Variants in RFFL observed in about 807,000 individuals in gnomAD.
The protein encoded by RFFL is E3 ubiquitin-protein ligase rififylin.
In RFFL, 16 loss-of-function variants were observed where a neutral mutation model predicts 40.4. The ratio of observed to expected loss-of-function variants is 0.40; its 90% CI spans 0.27 to 0.60. The LOEUF (loss-of-function observed/expected upper bound fraction) is 0.60. RFFL is among the 20% of genes least tolerant of loss of function. The pLI, the probability that RFFL is intolerant of heterozygous loss-of-function variation, is 0.47. For synonymous variants in RFFL, 154 were observed against 167.9 expected (o/e 0.92, Z 0.64); for missense variants, 367 against 451.7 (o/e 0.81, Z 1.70).
At chr17:35,060,480 T>G (rs1028405907) in intron 1 of RFFL, among the ~76,000 whole-genome samples, 1 of 152,192 alleles carries the variant, frequency 6.6e-6, no homozygotes, top group Non-Finnish European at 1.5e-5. Context: ...AATGTATATA[T>G]GCTTTGGTAT....
intron 1 of RFFL, among the ~76,000 whole-genome samples, chr17:35,077,545 GT>G (rs2142383592): frequency 1.3e-5 from 2 of 152,300 alleles, no homozygotes; most frequent in African/African-American, 4.8e-5. Context: ...TACAAAGCTG[GT>G]CCTTCACCAC....
chr17:35,034,445 T>C (rs1413051763), intron 1 of RFFL, among the ~76,000 whole-genome samples: 1 of 152,034 alleles, frequency 6.6e-6, no homozygotes, highest in Non-Finnish European at 1.5e-5. Flanking sequence ...TAAAAGGACT[T>C]TGCACAAAAT....
intron 6 of RFFL, among the ~76,000 whole-genome samples, chr17:35,013,611 G>A (rs547272040): frequency 1.3e-5 from 2 of 152,248 alleles, no homozygotes; most frequent in African/African-American, 4.8e-5. Flanking sequence ...AGGTAGGCTG[G>A]GTGTGAAAGG....
chr17:35,068,803 G>A (rs1413996358), intron 1 of RFFL, among the ~76,000 whole-genome samples: 1 of 152,116 alleles, frequency 6.6e-6, no homozygotes, highest in Non-Finnish European at 1.5e-5. Flanking sequence ...AGGAGGAGGA[G>A]GAGAAAGGAA....
intron 1 of RFFL, among the ~76,000 whole-genome samples, chr17:35,085,537 C>T (rs555219191): frequency 6.6e-6 from 1 of 152,320 alleles, no homozygotes; most frequent in South Asian, 2.1e-4. Context: ...TCAAGTGATT[C>T]TCCTGCCTCA....
At chr17:35,044,531 G>A (rs924649511) in intron 1 of RFFL, among the ~76,000 whole-genome samples, 5 of 152,150 alleles carry the variant, frequency 3.3e-5, no homozygotes, top group Admixed American at 1.3e-4. Flanking sequence ...CAGGAGAATC[G>A]CTTATCTGGG....
intron 3 of RFFL, 63 bp downstream of exon 3, chr17:35,021,308 A>G: frequency 6.9e-7 from 1 of 1,456,264 alleles, no homozygotes; most frequent in Middle Eastern, 2.0e-4. Flanking sequence ...AAGGCAGGAG[A>G]GGAAAATGAA....
chr17:35,053,646 G>T (rs1411144069), intron 1 of RFFL, among the ~76,000 whole-genome samples: 5 of 152,126 alleles, frequency 3.3e-5, no homozygotes, highest in Non-Finnish European at 5.9e-5. Context: ...TACTTTGCAG[G>T]AGGATCACTG....
At chr17:35,079,349 A>G (rs762458276) in intron 1 of RFFL, among the ~76,000 whole-genome samples, 2 of 152,230 alleles carry the variant, frequency 1.3e-5, no homozygotes, top group Non-Finnish European at 2.9e-5. Flanking sequence ...AAACAACAAC[A>G]TAAGGAGAAA....
chr17:35,022,214 G>C (rs2091013149), intron 2 of RFFL, among the ~76,000 whole-genome samples: 1 of 152,172 alleles, frequency 6.6e-6, no homozygotes, highest in Non-Finnish European at 1.5e-5. Flanking sequence ...GGTGATAACA[G>C]TATCTACCTC....
At chr17:35,054,426 C>T (rs1273543300) in intron 1 of RFFL, among the ~76,000 whole-genome samples, 5 of 152,154 alleles carry the variant, frequency 3.3e-5, no homozygotes, top group Non-Finnish European at 7.4e-5. Context: ...AGTAACAAGG[C>T]TTGATGGAGG....
intron 1 of RFFL, chr17:35,088,709 T>C (rs2091443237): frequency 6.6e-6 from 1 of 152,220 alleles, no homozygotes; most frequent in African/African-American, 2.4e-5. Flanking sequence ...ACGGGCTGGT[T>C]CCTTTAAAGG....
upstream of RFFL, among the ~76,000 whole-genome samples, chr17:35,067,092 A>G (rs1243592455): frequency 6.6e-6 from 1 of 151,796 alleles, no homozygotes; most frequent in African/African-American, 2.4e-5. Context: ...ATTAGCAGAC[A>G]TGGAGGGAGG....
intron 1 of RFFL, among the ~76,000 whole-genome samples, chr17:35,055,170 G>A (rs1342555774): frequency 6.6e-6 from 1 of 151,774 alleles, no homozygotes; most frequent in African/African-American, 2.4e-5. Context: ...CACTTGCCTC[G>A]GCCTCCCAAA....
At chr17:35,035,344 G>A (rs2091113572) in intron 1 of RFFL, among the ~76,000 whole-genome samples, 1 of 151,848 alleles carries the variant, frequency 6.6e-6, no homozygotes, top group Non-Finnish European at 1.5e-5. Context: ...AAGAGGTGGA[G>A]GTTGCAGTGA....
At chr17:35,087,999 T>A (rs1417003908) in intron 1 of RFFL, among the ~76,000 whole-genome samples, 1 of 152,170 alleles carries the variant, frequency 6.6e-6, no homozygotes, top group Non-Finnish European at 1.5e-5. Context: ...CCTAGAAGAA[T>A]GGTATAATAA....
At chr17:35,056,547 T>C (rs949358917) in intron 1 of RFFL, among the ~76,000 whole-genome samples, 2 of 151,972 alleles carry the variant, frequency 1.3e-5, no homozygotes, top group African/African-American at 4.8e-5. Context: ...CCGGCTAATT[T>C]TGTATTTTTA....
At position 35,073,043 on chromosome 17, in the gene RFFL, C is replaced by CAA. The variant is rs67047636; in HGVS notation, c.-9+16060_-9+16061dup. On this transcript the variant is annotated intron_variant, in intron 1 of 6. Transcript: ENST00000315249. The stretch of plus-strand genomic sequence containing the variant: ...GGGCAACAAGAGTGAAACTCCGTCT[C>CAA]AAAAAAAAAAAACATGAAATTATTC... Among the ~76,000 whole-genome samples, 580 of 143,338 alleles carry CAA rather than the reference C, an allele frequency of 4.0e-3. 13 individuals carry two copies. Among genetic ancestry groups the CAA allele is most frequent in the African/African-American group, 0.011 (432 of 38,584 alleles). 94.0% of individuals were successfully genotyped at this position (143,338 alleles called of 152,430 possible). A position where few individuals can be genotyped will look rare whatever the true frequency, so the allele number is the denominator to read the frequency against.
At chr17:35,034,578 G>A (rs1250153999) in intron 1 of RFFL, among the ~76,000 whole-genome samples, 3 of 151,736 alleles carry the variant, frequency 2.0e-5, no homozygotes, top group African/African-American at 7.3e-5. Flanking sequence ...ACCCAGGCTG[G>A]AGTACAATGG....
Sources: gnomAD v4.1 joint callset for allele counts (sites outside exome capture counted in the v4.1 genomes callset) on GRCh38, gnomAD v4.1.1 for gene constraint, MANE v1.5 for transcripts, NCBI Gene and HGNC (gene_info 2026-07-23, HGNC 2026-07-21) for gene names.